Variants in STXBP5L observed in about 807,000 individuals in gnomAD.
The protein encoded by STXBP5L is syntaxin-binding protein 5-like.
In STXBP5L, 65 loss-of-function variants were observed where a neutral mutation model predicts 144.5. That is an observed-to-expected ratio of 0.45 (90% confidence interval 0.37 to 0.55). The LOEUF (loss-of-function observed/expected upper bound fraction) is 0.55, where lower values mean the gene tolerates loss of function less well. STXBP5L is among the 20% of genes least tolerant of loss of function. The probability of loss-of-function intolerance (pLI) is 0.00; values close to 1 mark genes in which losing one functional copy is unlikely to be tolerated. For missense variants in STXBP5L, 1,298 were observed against 1,405.5 expected, an observed-to-expected ratio of 0.92 and a Z score of 1.22; for synonymous variants, 505 against 469.6, an observed-to-expected ratio of 1.08 and a Z score of -0.97.
At chr3:121,125,454 G>A (rs1473314609) in intron 7 of STXBP5L, among the ~76,000 whole-genome samples, 1 of 151,826 alleles carries the variant, frequency 6.6e-6, no homozygotes, top group African/African-American at 2.4e-5. Flanking sequence ...CTGGGCAACA[G>A]AGCAAGACTC....
Position 121,207,571 on chromosome 3 carries a change from G to A in STXBP5L, c.956+1570G>A, listed in dbSNP as rs190254685. On this transcript the variant is annotated intron_variant, in intron 10 of 26. Transcript: ENST00000471454. ...ACCTACAGAATGAGAGAAAATTTTT[G>A]CAATCTACTCATCTGACAAAGGGCT... Among the ~76,000 whole-genome samples the A allele has an allele frequency of 7.9e-5, 12 of 152,220 alleles. No homozygotes were observed. In the East Asian group the frequency reaches 2.1e-3, roughly 27 times the overall value.
At chr3:121,202,248 A>G (rs968136689) in intron 9 of STXBP5L, among the ~76,000 whole-genome samples, 1 of 152,096 alleles carries the variant, frequency 6.6e-6, no homozygotes, top group Admixed American at 6.6e-5. Flanking sequence ...TTTGCTTATC[A>G]TTTTTGGTTT....
chr3:121,347,486 C>A lies in STXBP5L; in HGVS notation c.2176+28946C>A, dbSNP rs1576240627. Among the ~76,000 whole-genome samples the A allele has an allele frequency of 2.0e-5, 3 of 152,164 alleles. No individual in the cohort carries two copies. The South Asian group carries it at 6.2e-4, about 32-fold the overall frequency. On this transcript the variant is annotated intron_variant, in intron 20 of 26. Transcript: ENST00000471454. ...AACTTTAAAGTAGTTTTTTCCAATT[C>A]TGTGAAGAAAGTCATTTGGTAACTT...
intron 3 of STXBP5L, among the ~76,000 whole-genome samples, chr3:120,974,760 T>TA (rs1307187218): frequency 6.6e-6 from 1 of 152,210 alleles, no homozygotes; most frequent in East Asian, 1.9e-4. Context: ...TTTCTACATA[T>TA]GGCTAGCCAG....
chr3:121,100,606 G>A (rs76641234), intron 5 of STXBP5L, among the ~76,000 whole-genome samples: 1 of 152,178 alleles, frequency 6.6e-6, no homozygotes, highest in East Asian at 1.9e-4. Flanking sequence ...ATGTTAAGAG[G>A]AAAGTTTATA....
At chr3:121,207,109 CTT>C (rs1407927029) in intron 10 of STXBP5L, among the ~76,000 whole-genome samples, 1 of 152,098 alleles carries the variant, frequency 6.6e-6, no homozygotes, top group East Asian at 1.9e-4. Flanking sequence ...ATAGATATCT[CTT>C]TAGCCTACTA....
chr3:121,148,270 T>G (rs556975435), intron 7 of STXBP5L, among the ~76,000 whole-genome samples: 1 of 152,038 alleles, frequency 6.6e-6, no homozygotes, highest in Admixed American at 6.6e-5. Context: ...TGATCAAGAA[T>G]GAAAGAGAAG....
chr3:120,926,937 C>CT (rs59336376), intron 2 of STXBP5L, among the ~76,000 whole-genome samples: 430 of 134,078 alleles, frequency 3.2e-3, no homozygotes, highest in African/African-American at 6.8e-3. Context: ...TCTTTCCTTT[C>CT]TTTTTTTTTT....
At chr3:120,986,414 T>A (rs1942290610) in intron 3 of STXBP5L, among the ~76,000 whole-genome samples, 1 of 152,002 alleles carries the variant, frequency 6.6e-6, no homozygotes, top group Non-Finnish European at 1.5e-5. Flanking sequence ...TGTTAAATTC[T>A]CTCTTTATAT....
intron 5 of STXBP5L, among the ~76,000 whole-genome samples, chr3:121,058,070 G>T (rs1457907455): frequency 6.6e-6 from 1 of 152,084 alleles, no homozygotes; most frequent in Admixed American, 6.6e-5. Flanking sequence ...GTGGTTTGCT[G>T]CACTCATCAA....
chr3:121,151,719 AT>A (rs201636049), intron 7 of STXBP5L, among the ~76,000 whole-genome samples: 136 of 151,834 alleles, frequency 9.0e-4, no homozygotes, highest in East Asian at 8.1e-3. Flanking sequence ...CCTTCCTCTT[AT>A]TTTTTTTCCC....
intron 5 of STXBP5L, among the ~76,000 whole-genome samples, chr3:121,046,510 G>T (rs1449801845): frequency 6.6e-6 from 1 of 152,002 alleles, no homozygotes; most frequent in African/African-American, 2.4e-5. Context: ...TGGTTGGTAG[G>T]CTTTTTATTA....
At chr3:121,104,503 C>T (rs905641175) in intron 5 of STXBP5L, among the ~76,000 whole-genome samples, 1 of 152,120 alleles carries the variant, frequency 6.6e-6, no homozygotes, top group Non-Finnish European at 1.5e-5. Flanking sequence ...AACTATACTA[C>T]AAAACTATAG....
At chr3:121,107,060 A>G (rs976770983) in intron 5 of STXBP5L, among the ~76,000 whole-genome samples, 8 of 148,520 alleles carry the variant, frequency 5.4e-5, no homozygotes, top group African/African-American at 2.0e-4. Context: ...GTTTCTGTTC[A>G]TGTCTTTGCC....
chr3:120,949,504 G>T (rs1319622828), intron 2 of STXBP5L, among the ~76,000 whole-genome samples: 1 of 152,094 alleles, frequency 6.6e-6, no homozygotes, highest in Non-Finnish European at 1.5e-5. Flanking sequence ...CCAATGTCTA[G>T]AAGAGTTTTT....
At chr3:120,923,343 C>T (rs1390724572) in intron 2 of STXBP5L, among the ~76,000 whole-genome samples, 1 of 151,168 alleles carries the variant, frequency 6.6e-6, no homozygotes, top group Admixed American at 6.6e-5. Flanking sequence ...TTTATTATTT[C>T]TTCTCTGATC....
At chr3:121,374,242 C>T (rs1030642049) in intron 20 of STXBP5L, among the ~76,000 whole-genome samples, 7 of 152,202 alleles carry the variant, frequency 4.6e-5, no homozygotes, top group Non-Finnish European at 8.8e-5. Flanking sequence ...CGCTATGGTG[C>T]CCATCCAGAA....
intron 14 of STXBP5L, among the ~76,000 whole-genome samples, chr3:121,246,832 G>A (rs906297230): frequency 6.6e-6 from 1 of 152,108 alleles, no homozygotes; most frequent in African/African-American, 2.4e-5. Context: ...GACACAAAAT[G>A]TAGTAGATAT....
chr3:121,288,454 A>C (rs1043551927), intron 19 of STXBP5L, among the ~76,000 whole-genome samples: 1 of 152,202 alleles, frequency 6.6e-6, no homozygotes, highest in Non-Finnish European at 1.5e-5. Flanking sequence ...ATACACTCTT[A>C]CCAACAGTGT....
Sources: gnomAD v4.1 joint callset for allele counts (sites outside exome capture counted in the v4.1 genomes callset) on GRCh38, gnomAD v4.1.1 for gene constraint, MANE v1.5 for transcripts, NCBI Gene and HGNC (gene_info 2026-07-23, HGNC 2026-07-21) for gene names.